MAGI2: variants seen among roughly 807,000 people sequenced by gnomAD.
MAGI2 encodes membrane associated guanylate kinase, WW and PDZ domain containing 2, also known as membrane-associated guanylate kinase, WW and PDZ domain-containing protein 2.
In MAGI2, 35 loss-of-function variants were observed where a neutral mutation model predicts 133.3. The observed-to-expected ratio is 0.26, with a 90% CI of 0.20 to 0.35. The LOEUF is 0.35. Ranked by LOEUF, MAGI2 falls within the 10% of genes least tolerant of loss-of-function variation. MAGI2 has a pLI of 1.00. For synonymous variants in MAGI2, 729 were observed against 710.6 expected (o/e 1.03, Z -0.41); for missense variants, 1,636 against 1,863.4 (o/e 0.88, Z 2.25).
intron 11 of MAGI2, among the ~76,000 whole-genome samples, chr7:78,196,935 G>A (rs749499541): frequency 6.6e-6 from 1 of 152,224 alleles, no homozygotes; most frequent in East Asian, 1.9e-4. Context: ...CTGAGGTCCA[G>A]CAGTTGCCAG....
At chr7:78,624,181 G>A (rs1265777959) in intron 3 of MAGI2, among the ~76,000 whole-genome samples, 1 of 151,544 alleles carries the variant, frequency 6.6e-6, no homozygotes, top group East Asian at 1.9e-4. Context: ...TTTTTTTCTT[G>A]TAAAAATTTT....
At chr7:78,059,777 A>ATATATTTTTTT (rs368179491) in intron 21 of MAGI2, among the ~76,000 whole-genome samples, 24 of 146,086 alleles carry the variant, frequency 1.6e-4, no homozygotes, top group African/African-American at 6.1e-4. Context: ...ATATATATAT[A>ATATATTTTTTT]TTTTTTTTCT....
intron 1 of MAGI2, among the ~76,000 whole-genome samples, chr7:79,220,945 G>A (rs1213767193): frequency 1.3e-5 from 2 of 151,962 alleles, no homozygotes; most frequent in African/African-American, 4.8e-5. Flanking sequence ...AAAAACTTAA[G>A]GTCATCCTGG....
rs555823252 is a variant in MAGI2, at chr7:78,860,147, T to G, written c.418+146943A>C. 2.1e-3 allele frequency among the ~76,000 whole-genome samples: 324 copies of G among 152,322 alleles called. 3 individuals carry two copies. Among genetic ancestry groups the G allele is most frequent in the African/African-American group, 7.5e-3 (311 of 41,574 alleles). Reference sequence around the variant, plus strand: ...TTCTGGTTAGCCATTCGTCTAATCTTTTTTCAAGGTTTTTAGCTTCTTTGC... The same window carrying G: ...TTCTGGTTAGCCATTCGTCTAATCTGTTTTCAAGGTTTTTAGCTTCTTTGC... On this transcript the variant is annotated intron_variant, in intron 2 of 21. Coordinates refer to ENST00000354212, the MANE Select transcript of MAGI2 (RefSeq NM_012301.4).
chr7:78,161,674 A>AAG (rs1563199439), intron 15 of MAGI2, among the ~76,000 whole-genome samples: 1 of 146,338 alleles, frequency 6.8e-6, no homozygotes, highest in East Asian at 2.1e-4. Context: ...ACCTAAAAAA[A>AAG]AAAAAAAAAA....
intron 2 of MAGI2, among the ~76,000 whole-genome samples, chr7:78,886,142 A>G (rs908453032): frequency 6.6e-6 from 1 of 152,222 alleles, no homozygotes; most frequent in Non-Finnish European, 1.5e-5. Context: ...TCCCCTGCAG[A>G]TGTATTTCAT....
At chr7:79,189,502 A>G (rs2129551027) in intron 1 of MAGI2, among the ~76,000 whole-genome samples, 1 of 151,754 alleles carries the variant, frequency 6.6e-6, no homozygotes, top group South Asian at 2.1e-4. Context: ...TATGTTTTCA[A>G]AAAAATTAAG....
At chr7:78,485,852 T>TA (rs1367059503) in intron 6 of MAGI2, 2 of 152,070 alleles carry the variant, frequency 1.3e-5, no homozygotes, top group Non-Finnish European at 2.9e-5. Flanking sequence ...TGTACAATTT[T>TA]AAAATTACTG....
At chr7:79,107,085 G>C (rs968576253) in intron 1 of MAGI2, among the ~76,000 whole-genome samples, 4 of 152,304 alleles carry the variant, frequency 2.6e-5, no homozygotes, top group African/African-American at 9.6e-5. Flanking sequence ...GTATTTTGCA[G>C]ATGTAACTAG....
rs200750002 is a variant in MAGI2 at position 79,363,695 on chromosome 7, T to TA, written c.301+89324dup. Reference sequence around the variant, plus strand: ...AAAGTACTGGCACAAAACTGAAAATTAAAAAAAAAAAAAACAGAATTGCAT... The same window carrying TA: ...AAAGTACTGGCACAAAACTGAAAATTAAAAAAAAAAAAAAACAGAATTGCAT... On this transcript the variant is annotated intron_variant, in intron 1 of 21. Transcript: ENST00000354212. 1.2e-3 allele frequency among the ~76,000 whole-genome samples: 167 copies of TA among 139,514 alleles called. No individual in the cohort carries two copies. In the South Asian group the frequency reaches 0.012, roughly 10 times the overall value. 91.5% of individuals were successfully genotyped at this position (139,514 alleles called of 152,430 possible).
chr7:78,324,126 CACACTACACTACACT>C (rs199831383), intron 9 of MAGI2, among the ~76,000 whole-genome samples: 1 of 147,566 alleles, frequency 6.8e-6, no homozygotes, highest in Non-Finnish European at 1.5e-5. Flanking sequence ...AAATAATTGA[CACACTACACTACACT>C]ACACTACACT....
At chr7:78,191,752 C>G (rs1348316754) in intron 12 of MAGI2, among the ~76,000 whole-genome samples, 1 of 152,192 alleles carries the variant, frequency 6.6e-6, no homozygotes, top group Admixed American at 6.5e-5. Flanking sequence ...ACAGCATGTA[C>G]CTGTCATGTT....
At chr7:78,827,264 T>G (rs1262766970) in intron 2 of MAGI2, among the ~76,000 whole-genome samples, 1 of 151,134 alleles carries the variant, frequency 6.6e-6, no homozygotes, top group Non-Finnish European at 1.5e-5. Flanking sequence ...CTTAGGGAAA[T>G]GTATTTTTTT....
chr7:78,148,695 G>T (rs912842045), intron 16 of MAGI2, among the ~76,000 whole-genome samples: 5 of 152,096 alleles, frequency 3.3e-5, no homozygotes, highest in African/African-American at 1.2e-4. Context: ...CAAGGTTAGG[G>T]GAAGCAGGCA....
intron 1 of MAGI2, among the ~76,000 whole-genome samples, chr7:79,397,558 T>A (rs1845148151): frequency 6.6e-6 from 1 of 152,146 alleles, no homozygotes; most frequent in African/African-American, 2.4e-5. Context: ...AATTACCTTA[T>A]ATTCCCTCAA....
intron 1 of MAGI2, among the ~76,000 whole-genome samples, chr7:79,079,490 A>G (rs1463872617): frequency 6.6e-6 from 1 of 152,216 alleles, no homozygotes; most frequent in Non-Finnish European, 1.5e-5. Flanking sequence ...CCTTAAAAAC[A>G]GAAAATTTGA....
chr7:79,370,880 T>A (rs1030940019), intron 1 of MAGI2, among the ~76,000 whole-genome samples: 1 of 152,062 alleles, frequency 6.6e-6, no homozygotes, highest in African/African-American at 2.4e-5. Flanking sequence ...AGAATGGTTA[T>A]AAAGGTCAAA....
intron 1 of MAGI2, among the ~76,000 whole-genome samples, chr7:79,418,793 C>A (rs1233393434): frequency 1.3e-5 from 2 of 149,876 alleles, no homozygotes; most frequent in Non-Finnish European, 3.0e-5. Context: ...GGTTTATTAG[C>A]CCCAACAATG....
At chr7:78,166,667 A>G (rs1825650439) in intron 15 of MAGI2, among the ~76,000 whole-genome samples, 1 of 152,200 alleles carries the variant, frequency 6.6e-6, no homozygotes, top group Non-Finnish European at 1.5e-5. Context: ...CGTCACATGA[A>G]TAAGCCTTAT....
Sources: gnomAD v4.1 joint callset for allele counts (sites outside exome capture counted in the v4.1 genomes callset) on GRCh38, gnomAD v4.1.1 for gene constraint, MANE v1.5 for transcripts, NCBI Gene and HGNC (gene_info 2026-07-23, HGNC 2026-07-21) for gene names.